RGL1: variants seen among roughly 807,000 people sequenced by gnomAD.
RGL1 encodes the protein ral guanine nucleotide dissociation stimulator like 1.
RGL1 carries 24 observed loss-of-function variants against 95.2 expected under a neutral mutation model. The ratio of observed to expected loss-of-function variants is 0.25; its 90% CI spans 0.18 to 0.35. The LOEUF is 0.35. Ranked by LOEUF, RGL1 falls within the 10% of genes least tolerant of loss-of-function variation. The pLI is 1.00. For synonymous variants in RGL1, 329 were observed against 344.9 expected (o/e 0.95, Z 0.51); for missense variants, 715 against 936.3 (o/e 0.76, Z 3.08).
intron 1 of RGL1, among the ~76,000 whole-genome samples, chr1:183,643,879 G>C (rs1394161512): frequency 1.3e-5 from 2 of 152,278 alleles, no homozygotes; most frequent in East Asian, 3.9e-4. Flanking sequence ...ATTGCCTTGG[G>C]TCCCAGATTT....
intron 1 of RGL1, chr1:183,647,224 A>G (rs1163746416): frequency 6.5e-6 from 1 of 153,970 alleles, no homozygotes; most frequent in Non-Finnish European, 1.4e-5. Context: ...CATGATTAAC[A>G]ATTAATAGAA....
intron 2 of RGL1, chr1:183,742,357 T>C (rs138424366): frequency 1.3e-6 from 2 of 1,585,174 alleles, no homozygotes; most frequent in South Asian, 2.2e-5. Context: ...CCATAATTCT[T>C]CGTGTAGCCA....
chr1:183,920,745 G>A lies in RGL1; in HGVS notation c.2005-1477G>A, dbSNP rs751663292. Among the ~76,000 whole-genome samples, 9 of 152,270 alleles carry A rather than the reference G, an allele frequency of 5.9e-5. No homozygotes were observed. In the East Asian group the frequency reaches 1.5e-3, roughly 26 times the overall value. ...ACATATTTTCCTCATTTAGAATTTTGTGTGCACCTACTTTTCCCTTGTAAA... is the reference window on the plus strand; with the variant it reads ...ACATATTTTCCTCATTTAGAATTTTATGTGCACCTACTTTTCCCTTGTAAA... On this transcript the variant is annotated intron_variant, in intron 16 of 17. Coordinates refer to ENST00000360851, the MANE Select transcript of RGL1 (RefSeq NM_001297671.3).
chr1:183,709,834 C>A (rs755512784), intron 1 of RGL1: 7 of 171,178 alleles, frequency 4.1e-5, no homozygotes, highest in Non-Finnish European at 8.8e-5. Flanking sequence ...CTAGTAGGGC[C>A]CTGAGTTGGG....
In RGL1 at chr1:183,656,465, T is replaced by A. The variant is rs192712462; in HGVS notation, c.-33+19964T>A. Reference sequence around the variant, plus strand: ...GGAATGTAAATAGACTGTAACCTACTCTTGTACCAATCACCAAGTTTTGGC... The same window carrying A: ...GGAATGTAAATAGACTGTAACCTACACTTGTACCAATCACCAAGTTTTGGC... On this transcript the variant is annotated intron_variant, in intron 1 of 18. Transcript: ENST00000304685. Among the ~76,000 whole-genome samples the A allele has an allele frequency of 2.5e-3, 384 of 152,374 alleles. 3 individuals are homozygous for A. The highest frequency in any genetic ancestry group is 8.0e-3 in the Admixed American group (123 of 15,310).
chr1:183,922,445 G>T, intron 17 of RGL1, 109 bp downstream of exon 17: 2 of 792,530 alleles, frequency 2.5e-6, no homozygotes, highest in Non-Finnish European at 4.2e-6. Flanking sequence ...TTGTTTTATT[G>T]GGACCTAGTG....
intron 4 of RGL1, among the ~76,000 whole-genome samples, chr1:183,867,004 C>T (rs577949187): frequency 3.3e-5 from 5 of 152,170 alleles, no homozygotes; most frequent in African/African-American, 9.6e-5. Context: ...CCCAGGGTTG[C>T]GGTTTGAGCA....
At chr1:183,682,145 G>A (rs2102081116) in intron 1 of RGL1, among the ~76,000 whole-genome samples, 1 of 152,150 alleles carries the variant, frequency 6.6e-6, no homozygotes, top group South Asian at 2.1e-4. Flanking sequence ...TTTTTTTGAA[G>A]GGTTTTTTGT....
chr1:183,647,628 T>C, intron 1 of RGL1: 1 of 1,513,090 alleles, frequency 6.6e-7, no homozygotes, highest in Non-Finnish European at 8.8e-7. Flanking sequence ...TTTTATTGCC[T>C]ATCTAATAAG....
intron 2 of RGL1, among the ~76,000 whole-genome samples, chr1:183,751,560 G>C (rs1015770009): frequency 2.0e-5 from 3 of 152,080 alleles, no homozygotes; most frequent in African/African-American, 7.2e-5. Context: ...GGAGTGAATG[G>C]TTCTGTCTCG....
intron 1 of RGL1, among the ~76,000 whole-genome samples, chr1:183,688,872 A>G (rs1036892062): frequency 6.6e-6 from 1 of 152,216 alleles, no homozygotes; most frequent in African/African-American, 2.4e-5. Flanking sequence ...TAAACTTCAC[A>G]GTAAAAATGA....
rs1651321542 is a variant in RGL1 at position 183,658,169 on chromosome 1, C to G, written c.-33+21668C>G. 2.6e-5 allele frequency among the ~76,000 whole-genome samples: 4 copies of G among 152,338 alleles called. No homozygotes were observed. In the South Asian group the frequency reaches 8.3e-4, roughly 32 times the overall value. On this transcript the variant is annotated intron_variant, in intron 1 of 18. Transcript: ENST00000304685. ...GATTTCTGCATTTCCATCTGAGGTA[C>G]TGGGTTCATCTCACTAGGGAGTGCC...
intron 2 of RGL1, among the ~76,000 whole-genome samples, chr1:183,789,483 C>T (rs1352011928): frequency 6.6e-6 from 1 of 151,858 alleles, no homozygotes; most frequent in East Asian, 1.9e-4. Context: ...AAAACAATAA[C>T]AAAAACAAAA....
intron 2 of RGL1, among the ~76,000 whole-genome samples, chr1:183,807,245 G>A (rs1013129112): frequency 2.0e-5 from 3 of 152,166 alleles, no homozygotes; most frequent in Non-Finnish European, 4.4e-5. Context: ...AGAATGAAGG[G>A]ATTCTTGATC....
intron 2 of RGL1, among the ~76,000 whole-genome samples, chr1:183,779,423 A>G (rs1266361223): frequency 1.3e-5 from 2 of 151,874 alleles, no homozygotes; most frequent in Non-Finnish European, 2.9e-5. Context: ...TAATTTTTGT[A>G]TATTTAGTAA....
At position 183,752,375 on chromosome 1, in the gene RGL1, C is replaced by T. The variant is rs188587823; in HGVS notation, c.132+10086C>T. On this transcript the variant is annotated intron_variant, in intron 2 of 18. Transcript: ENST00000304685. ...CTGAGTAGCTGGGACTACAGGTGCACGCCACCACGCCCAGCTAATTTTTGT... is the reference window on the plus strand; with the variant it reads ...CTGAGTAGCTGGGACTACAGGTGCATGCCACCACGCCCAGCTAATTTTTGT... Among the ~76,000 whole-genome samples, 195 of 152,020 alleles carry T rather than the reference C, an allele frequency of 1.3e-3. 1 individual carries two copies. Among genetic ancestry groups the T allele is most frequent in the East Asian group, 7.8e-3 (40 of 5,158 alleles).
intron 1 of RGL1, among the ~76,000 whole-genome samples, chr1:183,656,776 A>G (rs1236383558): frequency 1.3e-5 from 2 of 152,240 alleles, no homozygotes; most frequent in African/African-American, 4.8e-5. Context: ...GTTAATAAAA[A>G]TGATATTATA....
intron 1 of RGL1, chr1:183,653,080 T>G (rs1650885216): frequency 6.6e-6 from 1 of 152,258 alleles, no homozygotes; most frequent in African/African-American, 2.4e-5. Context: ...ACCATCAATT[T>G]GTCTCCAGGC....
intron 2 of RGL1, among the ~76,000 whole-genome samples, chr1:183,788,165 A>G (rs1182635571): frequency 6.6e-6 from 1 of 152,196 alleles, no homozygotes; most frequent in Non-Finnish European, 1.5e-5. Flanking sequence ...ATAGGAATAT[A>G]TTTAATTGGG....
Sources: allele counts gnomAD v4.1 joint callset (sites outside exome capture counted in the v4.1 genomes callset), GRCh38; gene constraint gnomAD v4.1.1; transcripts MANE v1.5; gene names NCBI Gene and HGNC (gene_info 2026-07-23, HGNC 2026-07-21).